The following HID1 variants were observed in gnomAD, a reference collection of about 807,000 sequenced individuals.
HID1 encodes the protein protein HID1.
Under a neutral mutation model 89.7 loss-of-function variants are expected in HID1, and 42 were observed. The ratio of observed to expected loss-of-function variants is 0.47; its 90% CI spans 0.37 to 0.61. The LOEUF is 0.61. Ranked by LOEUF, HID1 falls within the 20% of genes least tolerant of loss-of-function variation. The pLI is 0.00. For missense variants in HID1, 854 were observed against 1,039.3 expected (o/e 0.82, Z 2.45); for synonymous variants, 442 against 433.8 (o/e 1.02, Z -0.24).
In HID1 at chr17:74,952,339, G is replaced by A. The variant is rs748056871; in HGVS notation, c.2074C>T (p.Leu692=). 1.2e-6 allele frequency: 2 copies of A among 1,613,776 alleles called. No individual in the cohort carries two copies. The highest frequency in any genetic ancestry group is 1.7e-5 in the Admixed American group (1 of 60,002). Residue 692 remains leucine, a synonymous_variant, in exon 17 of 19, where the codon CTG becomes TTG. Coordinates refer to ENST00000425042, the MANE Select transcript of HID1 (RefSeq NM_030630.3). Reference sequence around the variant, plus strand: ...AGCCTCATGATGGTCTGCAGCGGCAGCTTCGACTTCCAGGAGAGGACCTGG... The same window carrying A: ...AGCCTCATGATGGTCTGCAGCGGCAACTTCGACTTCCAGGAGAGGACCTGG... ...PEWVLSWKSK[L]PLQTIMRLLQ... is the part of the protein sequence containing the mutation.
At position 74,962,938 on chromosome 17, in the gene HID1, G is replaced by A. The variant is rs771234371; in HGVS notation, c.504+27C>T. 5.9e-6 allele frequency: 9 copies of A among 1,528,826 alleles called. No homozygotes were observed. The highest frequency in any genetic ancestry group is 8.1e-6 in the Non-Finnish European group (9 of 1,107,230). 94.7% of individuals were successfully genotyped at this position (1,528,826 alleles called of 1,614,324 possible). A position where few individuals can be genotyped will look rare whatever the true frequency, so the allele number is the denominator to read the frequency against. ...CCCAGGACCAGAGCCTACTCCGCCT[G>A]GGGGTGGGGGGCTGGGGGACACTCA... On this transcript the variant is annotated intron_variant, in intron 4 of 18. Coordinates refer to ENST00000425042, the MANE Select transcript of HID1 (RefSeq NM_030630.3). The surrounding 1 kb of genome is among the most constrained non-coding windows in gnomAD (Gnocchi z 4.3).
At chr17:74,965,697 T>C (rs2039551868) in intron 1 of HID1, among the ~76,000 whole-genome samples, 1 of 151,948 alleles carries the variant, frequency 6.6e-6, no homozygotes, top group South Asian at 2.1e-4. Flanking sequence ...GGTGGGTGGA[T>C]CACCTGATCA....
chr17:74,960,705 C>T (rs991270600), intron 6 of HID1, among the ~76,000 whole-genome samples: 11 of 152,244 alleles, frequency 7.2e-5, no homozygotes, highest in Non-Finnish European at 2.9e-5. Flanking sequence ...TGGCCAGCCT[C>T]GGACTGTGGC....
chr17:74,970,277 A>T (rs2039626517), intron 1 of HID1, among the ~76,000 whole-genome samples: 1 of 152,282 alleles, frequency 6.6e-6, no homozygotes, highest in African/African-American at 2.4e-5. Flanking sequence ...ACCCCCACTC[A>T]GACCTGGGGG....
At chr17:74,970,339 C>A (rs2039627901) in intron 1 of HID1, among the ~76,000 whole-genome samples, 1 of 152,192 alleles carries the variant, frequency 6.6e-6, no homozygotes, top group Non-Finnish European at 1.5e-5. Context: ...GTCCCCTAGT[C>A]CTCAAGCCTG....
rs1362234650 is a variant in HID1 at position 74,952,288 on chromosome 17, C to G, written c.2125G>C (p.Glu709Gln). 6.2e-7 allele frequency: 1 copy of G among 1,613,676 alleles called. No individual in the cohort carries two copies. The stretch of plus-strand genomic sequence containing the variant: ...ACTCACTTGTCAATGCAGATCTTCT[C>G]CACCTGCGGAACCAGCACCTGCAGC... Reference protein sequence around the residue: ...RLLQVLVPQVEKICIDKGLTD... With the variant: ...RLLQVLVPQVQKICIDKGLTD... Residue 709 changes from glutamate (E) to glutamine (Q), a missense_variant, in exon 17 of 19, where the codon GAG becomes CAG. Coordinates refer to ENST00000425042, the MANE Select transcript of HID1 (RefSeq NM_030630.3).
intron 16 of HID1, 146 bp from the exon 17 acceptor site, chr17:74,952,506 G>A (rs187571735): frequency 2.2e-5 from 14 of 626,662 alleles, no homozygotes; most frequent in African/African-American, 3.7e-5. Context: ...AGCAGGACCC[G>A]GGAAGAGTTA....
chr17:74,965,255 C>T (rs2039544784), intron 1 of HID1, among the ~76,000 whole-genome samples: 3 of 152,196 alleles, frequency 2.0e-5, no homozygotes, highest in Admixed American at 6.5e-5. Flanking sequence ...CCTCTTTCAA[C>T]CCTGCCTCTA....
At position 74,962,610 on chromosome 17, in the gene HID1, C is replaced by A. The variant is rs961776017; in HGVS notation, c.505-270G>T. 6.6e-6 allele frequency among the ~76,000 whole-genome samples: 1 copy of A among 152,010 alleles called. No homozygotes were observed. The highest frequency in any genetic ancestry group is 1.5e-5 in the Non-Finnish European group (1 of 67,970). ...GGACAGGGAGAAAGGGAGGGAGGGG[C>A]AGGGGATTGGGTGCCCCGGGTTTGG... is the stretch of plus-strand genomic sequence containing the variant. On this transcript the variant is annotated intron_variant, in intron 4 of 18. Transcript: ENST00000425042. The surrounding 1 kb of genome is among the most constrained non-coding windows in gnomAD (Gnocchi z 4.3).
At chr17:74,953,194 A>T in intron 15 of HID1, 108 bp from the exon 16 acceptor site, 1 of 988,842 alleles carries the variant, frequency 1.0e-6, no homozygotes. Flanking sequence ...ACAAAGGGGA[A>T]GGCCCAGCCC....
intron 14 of HID1, 120 bp downstream of exon 14, chr17:74,954,018 C>T (rs2039348015): frequency 2.0e-6 from 2 of 988,502 alleles, no homozygotes; most frequent in Non-Finnish European, 3.1e-6. Context: ...CAGCCCCATC[C>T]CCTCGGCTTC....
In HID1 at chr17:74,958,528, G is replaced by T. The variant is rs1241709244; in HGVS notation, c.1241-50C>A. 6.4e-7 allele frequency: 1 copy of T among 1,574,072 alleles called. No individual in the cohort carries two copies. The highest frequency in any genetic ancestry group is 1.2e-5 in the South Asian group (1 of 86,628). The stretch of plus-strand genomic sequence containing the variant: ...TCACTCGGGTGGGAGGGGGAAGGAG[G>T]GGCCCAGGCAGTGACCATTTTGGAG... On this transcript the variant is annotated intron_variant, in intron 10 of 18. Coordinates refer to ENST00000425042, the MANE Select transcript of HID1 (RefSeq NM_030630.3). The surrounding 1 kb of genome is among the most constrained non-coding windows in gnomAD (Gnocchi z 5.2).
Position 74,971,873 on chromosome 17 carries a change from C to G in HID1, c.66+718G>C, listed in dbSNP as rs1340805373. ...CACCAGCTGACTGAGGGCCATCCTG[C>G]GGGTCCCCATCCCTGAGCCAGAGAA... On this transcript the variant is annotated intron_variant, in intron 1 of 18. Transcript: ENST00000425042. 3.9e-5 allele frequency among the ~76,000 whole-genome samples: 6 copies of G among 152,252 alleles called. No homozygotes were observed. The East Asian group carries it at 9.7e-4, about 25-fold the overall frequency.
At chr17:74,954,410 C>T (rs1452008033) in intron 13 of HID1, 45 bp from the exon 14 acceptor site, 1 of 1,548,294 alleles carries the variant, frequency 6.5e-7, no homozygotes, top group Admixed American at 2.0e-5. Flanking sequence ...CCCCCTCCAG[C>T]TCCCCCCGTC....
intron 12 of HID1, among the ~76,000 whole-genome samples, chr17:74,957,413 G>C (rs1021350746): frequency 5.9e-5 from 9 of 151,988 alleles, no homozygotes; most frequent in African/African-American, 1.9e-4. Flanking sequence ...AACCTGGGAG[G>C]TTGCAGTGAA....
At chr17:74,952,896 G>T in intron 16 of HID1, 110 bp downstream of exon 16, 1 of 787,968 alleles carries the variant, frequency 1.3e-6, no homozygotes, top group Non-Finnish European at 2.0e-6. Flanking sequence ...CGGACATCTT[G>T]CCATCTTCAC....
At position 74,963,016 on chromosome 17, in the gene HID1, G is replaced by A. The variant is rs1174612680; in HGVS notation, c.453C>T (p.Asp151=). 2 of 1,613,730 alleles carry A rather than the reference G, an allele frequency of 1.2e-6. No homozygotes were observed. The highest frequency in any genetic ancestry group is 1.7e-6 in the Non-Finnish European group (2 of 1,179,764). The change falls in exon 4 of 19, where the codon GAC becomes GAT. Residue 151 remains aspartate, a synonymous_variant. Coordinates refer to ENST00000425042, the MANE Select transcript of HID1 (RefSeq NM_030630.3). ...LAESLLLAIA[D]LLFCPDFTVQ... The stretch of plus-strand genomic sequence containing the variant: ...CCGTGAAGTCCGGGCAGAAGAGCAG[G>A]TCAGCAATGGCCAGGAGCAGGGACT...
rs2039516116 is a variant in HID1, at chr17:74,963,484, GC to G, written c.387+255del. On this transcript the variant is annotated intron_variant, in intron 3 of 18. Coordinates refer to ENST00000425042, the MANE Select transcript of HID1 (RefSeq NM_030630.3). ...GCCCAGCTCCTCTGCCTCCACCTCT[GC>G]CCAGTGACCCCTGGCTCTCAGCTTC... 9.1e-6 allele frequency: 5 copies of G among 548,106 alleles called. No individual in the cohort carries two copies. In the Admixed American group the frequency reaches 9.9e-5, roughly 11 times the overall value. 34.0% of individuals were successfully genotyped at this position (548,106 alleles called of 1,614,324 possible).
Position 74,958,498 on chromosome 17 carries a change from AG to A in HID1, c.1241-21del. The A allele has an allele frequency of 6.3e-7, 1 of 1,580,842 alleles. No individual in the cohort carries two copies. Among genetic ancestry groups the A allele is most frequent in the Non-Finnish European group, 8.6e-7 (1 of 1,163,736 alleles). ...CCCGAGCTGCGGCAGGTGGCGTGGGAGGGGTCACTCGGGTGGGAGGGGGAAG... is the reference window on the plus strand; with the variant it reads ...CCCGAGCTGCGGCAGGTGGCGTGGGAGGGTCACTCGGGTGGGAGGGGGAAG... On this transcript the variant is annotated intron_variant, in intron 10 of 18. Coordinates refer to ENST00000425042, the MANE Select transcript of HID1 (RefSeq NM_030630.3). This position sits in a 1 kb window ranked among gnomAD's most constrained non-coding sequence, Gnocchi z 5.2.
Sources: gnomAD v4.1 joint callset for allele counts (sites outside exome capture counted in the v4.1 genomes callset) on GRCh38, gnomAD v4.1.1 for gene constraint, Gnocchi (gnomAD v3.1) non-coding constraint, MANE v1.5 for transcripts, NCBI Gene and HGNC (gene_info 2026-07-23, HGNC 2026-07-21) for gene names.